EDN1: variants seen among roughly 807,000 people sequenced by gnomAD.
The protein encoded by EDN1 is endothelin-1.
Under a neutral mutation model 21.7 loss-of-function variants are expected in EDN1, and 11 were observed. That is an observed-to-expected ratio of 0.51 (90% CI 0.32 to 0.84). EDN1 has a LOEUF of 0.84. EDN1 is among the 40% of genes least tolerant of loss of function. The probability of loss-of-function intolerance (pLI) is 0.03; values close to 1 mark genes in which losing one functional copy is unlikely to be tolerated. For missense variants in EDN1, 244 were observed against 262.3 expected (o/e 0.93, Z 0.48); for synonymous variants, 85 against 90.6 (o/e 0.94, Z 0.35).
upstream of EDN1, among the ~76,000 whole-genome samples, chr6:12,286,393 C>T (rs1027350426): frequency 3.9e-5 from 6 of 152,190 alleles, no homozygotes; most frequent in Non-Finnish European, 8.8e-5. Flanking sequence ...TGTGATGTGT[C>T]ACAGGCCTAA....
At chr6:12,256,815 C>T in the EDN1 span, among the ~76,000 whole-genome samples, 3 of 152,174 alleles carry the variant, frequency 2.0e-5, no homozygotes, top group Admixed American at 6.5e-5. Flanking sequence ...TACTCATTGT[C>T]AAATAAAATA....
In EDN1 at chr6:12,294,077, C is replaced by G; in HGVS notation, c.370C>G (p.Gln124Glu). 1 of 1,614,162 alleles carries G rather than the reference C, an allele frequency of 6.2e-7. No homozygotes were observed. Among genetic ancestry groups the G allele is most frequent in the South Asian group, 1.1e-5 (1 of 91,080 alleles). ...QKDKKCWNFC[Q>E]AGKELRAEDI... ...AGACAAGAAGTGCTGGAATTTTTGC[C>G]AAGCAGGAAAAGAACTCAGGTGAGC... Residue 124 changes from glutamine (Q) to glutamate (E), a missense_variant, in exon 3 of 5, where the codon CAA (glutamine) becomes GAA (glutamate). Coordinates refer to ENST00000379375, the MANE Select transcript of EDN1 (RefSeq NM_001955.5).
the EDN1 span, among the ~76,000 whole-genome samples, chr6:12,274,945 CCTT>C: frequency 7.1e-6 from 1 of 140,974 alleles, no homozygotes; most frequent in Non-Finnish European, 1.5e-5. Flanking sequence ...CCTTCTCCTT[CCTT>C]CCTTCCTTCC....
chr6:12,257,883 C>T, the EDN1 span, among the ~76,000 whole-genome samples: 1 of 152,108 alleles, frequency 6.6e-6, no homozygotes, highest in Admixed American at 6.5e-5. Flanking sequence ...TCCCAGTCGT[C>T]CCAGTCTAGC....
At chr6:12,287,976 G>C (rs1762590529), upstream of EDN1, among the ~76,000 whole-genome samples, 1 of 152,084 alleles carries the variant, frequency 6.6e-6, no homozygotes, top group Non-Finnish European at 1.5e-5. Context: ...GACGGGGCGT[G>C]GTGAGTGCTG....
At chr6:12,252,521 G>C in the EDN1 span, among the ~76,000 whole-genome samples, 2 of 152,174 alleles carry the variant, frequency 1.3e-5, no homozygotes, top group Non-Finnish European at 2.9e-5. Flanking sequence ...TAAAGATATT[G>C]AAAGAAGGGT....
chr6:12,233,590 G>C, the EDN1 span, among the ~76,000 whole-genome samples: 1 of 152,142 alleles, frequency 6.6e-6, no homozygotes, highest in African/African-American at 2.4e-5. Context: ...TAATACAGAT[G>C]TTATTATACA....
chr6:12,295,893 A>T, intron 4 of EDN1, 69 bp from the exon 5 acceptor site: 1 of 1,505,070 alleles, frequency 6.6e-7, no homozygotes, highest in Non-Finnish European at 9.2e-7. Context: ...TTCTAATTTT[A>T]CATGTTTCTT....
the EDN1 span, among the ~76,000 whole-genome samples, chr6:12,238,944 A>G: frequency 2.0e-5 from 3 of 152,242 alleles, no homozygotes; most frequent in Non-Finnish European, 4.4e-5. Flanking sequence ...TGCATGTGTT[A>G]TATCAGTTGG....
At chr6:12,242,580 T>A in the EDN1 span, among the ~76,000 whole-genome samples, 1 of 152,148 alleles carries the variant, frequency 6.6e-6, no homozygotes, top group East Asian at 1.9e-4. Context: ...GTATATCCCA[T>A]GGTATGTGGC....
chr6:12,235,435 A>G, the EDN1 span, among the ~76,000 whole-genome samples: 4 of 152,230 alleles, frequency 2.6e-5, no homozygotes, highest in Non-Finnish European at 2.9e-5. Flanking sequence ...AGATAAATCC[A>G]TATAGTTCAT....
rs373723137 is a variant in EDN1, at chr6:12,296,081, C to T, written c.*14C>T. On this transcript the variant is annotated 3_prime_UTR_variant, in exon 5 of 5. Coordinates refer to ENST00000379375, the MANE Select transcript of EDN1 (RefSeq NM_001955.5). ...GCACATTGGTGACAGACCTTCGGGGCCTGTCTGAAGCCATAGCCTCCACGG... is the reference window on the plus strand; with the variant it reads ...GCACATTGGTGACAGACCTTCGGGGTCTGTCTGAAGCCATAGCCTCCACGG... 1.6e-4 allele frequency: 255 copies of T among 1,607,358 alleles called. No individual in the cohort carries two copies. The highest frequency in any genetic ancestry group is 2.0e-4 in the Non-Finnish European group (239 of 1,174,012).
At chr6:12,292,613 C>T in intron 2 of EDN1, 104 bp downstream of exon 2, 3 of 1,331,246 alleles carry the variant, frequency 2.3e-6, no homozygotes, top group Middle Eastern at 2.1e-4. Flanking sequence ...GGTAGTCCTT[C>T]TAACACCATC....
chr6:12,236,300 T>C, the EDN1 span, among the ~76,000 whole-genome samples: 6 of 149,704 alleles, frequency 4.0e-5, no homozygotes, highest in Non-Finnish European at 4.5e-5. Context: ...TTTTTTTTTT[T>C]AGAAGGCATC....
chr6:12,246,750 G>A, the EDN1 span, among the ~76,000 whole-genome samples: 7 of 144,614 alleles, frequency 4.8e-5, no homozygotes, highest in East Asian at 1.5e-3. Flanking sequence ...TCTTGGAGAG[G>A]AAAGAACCCT....
At chr6:12,294,705 A>G (rs1469425451) in intron 4 of EDN1, among the ~76,000 whole-genome samples, 3 of 152,224 alleles carry the variant, frequency 2.0e-5, no homozygotes, top group Admixed American at 6.5e-5. Context: ...TCATTGGGTT[A>G]TATACAGCCT....
the EDN1 span, among the ~76,000 whole-genome samples, chr6:12,259,705 A>G: frequency 6.6e-6 from 1 of 151,996 alleles, no homozygotes; most frequent in Non-Finnish European, 1.5e-5. Context: ...AAAAGGAAAG[A>G]TAGCTCTCAA....
the EDN1 span, among the ~76,000 whole-genome samples, chr6:12,281,637 A>C: frequency 6.7e-6 from 1 of 149,590 alleles, no homozygotes; most frequent in South Asian, 2.2e-4. Context: ...TGTCATTATT[A>C]ATAGTTTCAC....
chr6:12,269,812 C>T, the EDN1 span, among the ~76,000 whole-genome samples: 1 of 151,778 alleles, frequency 6.6e-6, no homozygotes, highest in Non-Finnish European at 1.5e-5. Context: ...CTGGGTAATG[C>T]TGGCTTTATA....
Sources: allele counts gnomAD v4.1 joint callset (sites outside exome capture counted in the v4.1 genomes callset), GRCh38; gene constraint gnomAD v4.1.1; transcripts MANE v1.5; gene names NCBI Gene and HGNC (gene_info 2026-07-23, HGNC 2026-07-21).